Variants in PCLAF observed in about 807,000 individuals in gnomAD.
The protein encoded by PCLAF is PCNA clamp associated factor.
In PCLAF, 12 loss-of-function variants were observed where a neutral mutation model predicts 15.1. The ratio of observed to expected loss-of-function variants is 0.79; its 90% CI spans 0.51 to 1.29. The LOEUF (loss-of-function observed/expected upper bound fraction) is 1.29. Ranked by LOEUF, PCLAF falls within the 50% of genes most tolerant of loss-of-function variation. PCLAF has a pLI of 0.00. For synonymous variants in PCLAF, 33 were observed against 47.1 expected, an observed-to-expected ratio of 0.70 and a Z score of 1.22; for missense variants, 116 against 130.9, an observed-to-expected ratio of 0.89 and a Z score of 0.56.
intron 3 of PCLAF, among the ~76,000 whole-genome samples, chr15:64,376,340 C>T (rs1182661915): frequency 6.6e-6 from 1 of 151,704 alleles, no homozygotes; most frequent in East Asian, 1.9e-4. Context: ...GACTCAATAT[C>T]CTATTTGTCC....
At chr15:64,386,553 G>C (rs372426377) in intron 1 of PCLAF, among the ~76,000 whole-genome samples, 2 of 152,006 alleles carry the variant, frequency 1.3e-5, no homozygotes, top group African/African-American at 2.4e-5. Context: ...GAACTCCTGG[G>C]CTCAAGTGAT....
chr15:64,365,933 C>A lies in PCLAF; in HGVS notation c.*97G>T. 1 of 1,048,644 alleles carries A rather than the reference C, an allele frequency of 9.5e-7. No homozygotes were observed. The highest frequency in any genetic ancestry group is 1.4e-5 in the South Asian group (1 of 70,836). 65.0% of individuals were successfully genotyped at this position (1,048,644 alleles called of 1,614,324 possible). ...TAAATTTTTTAATTAAATGCCTGTT[C>A]AACAAAGCTAATTGGAACAAACACA... On this transcript the variant is annotated 3_prime_UTR_variant, in exon 4 of 4. Transcript: ENST00000300035.
At position 64,381,411 on chromosome 15, in the gene PCLAF, T is replaced by C; in HGVS notation, c.-40A>G. 1 of 1,614,026 alleles carries C rather than the reference T, an allele frequency of 6.2e-7. No individual in the cohort carries two copies. ...AGAGGAGAGGAGAGAACGAACTGACTTCCCAGCCGAGGGTGTTTCACTGGA... is the reference window on the plus strand; with the variant it reads ...AGAGGAGAGGAGAGAACGAACTGACCTCCCAGCCGAGGGTGTTTCACTGGA... On this transcript the variant is annotated 5_prime_UTR_variant, in exon 1 of 4. Transcript: ENST00000300035.
chr15:64,371,093 C>T (rs1485884498), intron 3 of PCLAF, among the ~76,000 whole-genome samples: 1 of 150,686 alleles, frequency 6.6e-6, no homozygotes, highest in African/African-American at 2.4e-5. Flanking sequence ...CTCAGCCTCC[C>T]GAGTAGCTGG....
chr15:64,368,737 TCA>T (rs1899154768), intron 3 of PCLAF, among the ~76,000 whole-genome samples: 1 of 149,484 alleles, frequency 6.7e-6, no homozygotes, highest in Non-Finnish European at 1.5e-5. Context: ...TAGGTTTATG[TCA>T]CAGATTTTAT....
chr15:64,372,503 G>T (rs1476319962), intron 3 of PCLAF, among the ~76,000 whole-genome samples: 1 of 152,040 alleles, frequency 6.6e-6, no homozygotes, highest in Non-Finnish European at 1.5e-5. Flanking sequence ...AGTCCCAGCT[G>T]CTGGGGAGGC....
chr15:64,378,587 G>T (rs1338630922), intron 2 of PCLAF, among the ~76,000 whole-genome samples: 1 of 152,012 alleles, frequency 6.6e-6, no homozygotes, highest in Non-Finnish European at 1.5e-5. Context: ...TTTCCCAAAG[G>T]AACCTTACAG....
rs1345915240 is a variant in PCLAF, at chr15:64,381,009, G to C, written c.76C>G (p.Leu26Val). ...TTAGTGGCAGAGGTGGAAGAACCAA[G>C]CACCTTTCTGGGGGCTCGAGCAGCC... ...VVAARAPRKV[L>V]GSSTSATNST... The change falls in exon 2 of 4, where the codon CTT becomes GTT. Residue 26 changes from leucine to valine, a missense_variant. Physicochemically the swap from Leu to Val is conservative, Grantham distance 32. Coordinates refer to ENST00000300035, the MANE Select transcript of PCLAF (RefSeq NM_014736.6). The C allele has an allele frequency of 1.9e-6, 3 of 1,614,142 alleles. No individual in the cohort carries two copies. Among genetic ancestry groups the C allele is most frequent in the Non-Finnish European group, 2.5e-6 (3 of 1,180,022 alleles).
chr15:64,368,564 GA>G (rs34086065), intron 3 of PCLAF, among the ~76,000 whole-genome samples: 8 of 152,086 alleles, frequency 5.3e-5, no homozygotes, highest in African/African-American at 1.4e-4. Flanking sequence ...GCCTTTGGGA[GA>G]AAAATAAGGC....
Position 64,376,819 on chromosome 15 carries a change from A to C in PCLAF, c.214T>G (p.Ser72Ala). 1 of 1,612,966 alleles carries C rather than the reference A, an allele frequency of 6.2e-7. No individual in the cohort carries two copies. The highest frequency in any genetic ancestry group is 1.1e-5 in the South Asian group (1 of 91,062). ...TTCTCTTTTTCAGAATCTTTAGGGG[A>C]CAACCTAAAGAATTCTCCAATTCCT... The part of the protein sequence containing the change: ...QKGIGEFFRL[S>A]PKDSEKENQI... The change falls in exon 3 of 4, where the codon TCC becomes GCC. Residue 72 changes from serine to alanine, a missense_variant. Coordinates refer to ENST00000300035, the MANE Select transcript of PCLAF (RefSeq NM_014736.6).
At chr15:64,374,547 A>T (rs1319111638) in intron 3 of PCLAF, among the ~76,000 whole-genome samples, 1 of 151,286 alleles carries the variant, frequency 6.6e-6, no homozygotes. Context: ...TCAAAAAAAA[A>T]AAAAGTTTGC....
intron 3 of PCLAF, among the ~76,000 whole-genome samples, chr15:64,368,350 T>C (rs566281420): frequency 3.5e-4 from 54 of 152,264 alleles, no homozygotes; most frequent in African/African-American, 1.3e-3. Flanking sequence ...AGATTATCAT[T>C]AACTCAGTAT....
At chr15:64,376,275 G>C (rs1899599636) in intron 3 of PCLAF, among the ~76,000 whole-genome samples, 1 of 151,916 alleles carries the variant, frequency 6.6e-6, no homozygotes, top group Non-Finnish European at 1.5e-5. Context: ...TAAGAAATTA[G>C]AAGAAGTTTT....
At chr15:64,378,732 G>A (rs537482819) in intron 2 of PCLAF, among the ~76,000 whole-genome samples, 1 of 152,190 alleles carries the variant, frequency 6.6e-6, no homozygotes, top group Admixed American at 6.5e-5. Context: ...CCAACATGGT[G>A]AAACCCTGCC....
At chr15:64,374,695 A>G (rs1899525328) in intron 3 of PCLAF, among the ~76,000 whole-genome samples, 3 of 152,028 alleles carry the variant, frequency 2.0e-5, no homozygotes, top group Admixed American at 6.6e-5. Flanking sequence ...AAACACAAAA[A>G]ATTAGCTGAA....
At chr15:64,375,297 T>C (rs977666191) in intron 3 of PCLAF, among the ~76,000 whole-genome samples, 2 of 152,074 alleles carry the variant, frequency 1.3e-5, no homozygotes, top group Non-Finnish European at 2.9e-5. Flanking sequence ...GCTAATTTTT[T>C]GTATTTTTAG....
intron 3 of PCLAF, among the ~76,000 whole-genome samples, chr15:64,366,861 T>A (rs1242561775): frequency 6.6e-6 from 1 of 151,772 alleles, no homozygotes; most frequent in African/African-American, 2.4e-5. Context: ...TAATCCCAGC[T>A]ACTTGGGAGG....
chr15:64,374,501 T>A (rs972858820), intron 3 of PCLAF, among the ~76,000 whole-genome samples: 1 of 149,982 alleles, frequency 6.7e-6, no homozygotes, highest in African/African-American at 2.5e-5. Flanking sequence ...ATTGCACCAC[T>A]GCACTCCAGC....
intron 2 of PCLAF, among the ~76,000 whole-genome samples, chr15:64,379,193 C>G (rs2140531886): frequency 6.6e-6 from 1 of 151,842 alleles, no homozygotes; most frequent in East Asian, 1.9e-4. Flanking sequence ...GAAATTTCAT[C>G]AGGCCAGGCG....
Sources: gnomAD v4.1 joint callset for allele counts (sites outside exome capture counted in the v4.1 genomes callset) on GRCh38, gnomAD v4.1.1 for gene constraint, MANE v1.5 for transcripts, NCBI Gene and HGNC (gene_info 2026-07-23, HGNC 2026-07-21) for gene names.